The following PSMD9 variants were observed in gnomAD, a reference collection of about 807,000 sequenced individuals.
The protein encoded by PSMD9 is proteasome 26S subunit, non-ATPase 9.
PSMD9 carries 26 observed loss-of-function variants against 25.9 expected under a neutral mutation model. The ratio of observed to expected loss-of-function variants is 1.00; its 90% CI spans 0.73 to 1.39. The LOEUF (loss-of-function observed/expected upper bound fraction) is 1.39. Ranked by LOEUF, PSMD9 falls within the 40% of genes most tolerant of loss-of-function variation. The pLI is 0.00. For missense variants in PSMD9, 303 were observed against 299.3 expected, an observed-to-expected ratio of 1.01 and a Z score of -0.09; for synonymous variants, 110 against 114.5, an observed-to-expected ratio of 0.96 and a Z score of 0.25.
chr12:121,909,641 G>A (rs1879659746), intron 4 of PSMD9, among the ~76,000 whole-genome samples: 1 of 152,074 alleles, frequency 6.6e-6, no homozygotes, highest in Admixed American at 6.6e-5. Context: ...TTTTGACAAA[G>A]ATGACACAGA....
At position 121,901,666 on chromosome 12, in the gene PSMD9, C is replaced by CTTTTTTTTTTTTTTTTTTTTT. The variant is rs563939839; in HGVS notation, c.454-1333_454-1313dup. 1.2e-4 allele frequency among the ~76,000 whole-genome samples: 11 copies of CTTTTTTTTTTTTTTTTTTTTT among 93,608 alleles called. 1 individual carries two copies. Among genetic ancestry groups the CTTTTTTTTTTTTTTTTTTTTT allele is most frequent in the African/African-American group, 3.5e-4 (6 of 16,986 alleles). The allele number at this position is 93,608 out of a possible 152,430, so 61.4% of individuals were successfully genotyped here. A position where few individuals can be genotyped will look rare whatever the true frequency, so the allele number is the denominator to read the frequency against. On this transcript the variant is annotated intron_variant, in intron 3 of 5. Transcript: ENST00000541212. ...TGTCATGCCTGGCCCTTCATTCCTT[C>CTTTTTTTTTTTTTTTTTTTTT]TTTTTTTTTTTTTTTTTTTTTTTTT...
At chr12:121,902,840 G>A (rs957541946) in intron 3 of PSMD9, 166 bp from the exon 4 acceptor site, 4 of 584,782 alleles carry the variant, frequency 6.8e-6, no homozygotes, top group African/African-American at 3.7e-5. Flanking sequence ...GTTACCCACT[G>A]CCCCTTCCTG....
chr12:121,915,606 C>G (rs539716776), intron 4 of PSMD9: 1 of 496,594 alleles, frequency 2.0e-6, no homozygotes, highest in South Asian at 3.1e-5. Context: ...TACTATGTAC[C>G]TTGGATGTAC....
intron 4 of PSMD9, among the ~76,000 whole-genome samples, chr12:121,906,237 C>T (rs944642168): frequency 6.6e-6 from 1 of 152,060 alleles, no homozygotes; most frequent in Non-Finnish European, 1.5e-5. Flanking sequence ...AAAGGCTGAG[C>T]TGTCTTGGTG....
rs1284347565 is a variant in PSMD9, at chr12:121,916,220, C to T, written c.645-64C>T. ...CATTGGTGAAAAGGTCAGAAGGGCT[C>T]AGCCTCTGACCTTCCTGAAGGGAGC... On this transcript the variant is annotated intron_variant, in intron 5 of 5. Coordinates refer to ENST00000541212, the MANE Select transcript of PSMD9 (RefSeq NM_002813.7). 16 of 1,580,578 alleles carry T rather than the reference C, an allele frequency of 1.0e-5. 1 individual carries two copies. In the South Asian group the frequency reaches 1.1e-4, roughly 11 times the overall value.
chr12:121,915,831 C>T (rs1394585774), intron 4 of PSMD9, 25 bp from the exon 5 acceptor site: 25 of 1,591,244 alleles, frequency 1.6e-5, no homozygotes, highest in Middle Eastern at 1.7e-4. Flanking sequence ...AGGCTGAACA[C>T]GAAATGAGCT....
rs1879903475 is a variant in PSMD9 at position 121,916,366 on chromosome 12, C to G, written c.*55C>G. On this transcript the variant is annotated 3_prime_UTR_variant, in exon 6 of 6. Coordinates refer to ENST00000541212, the MANE Select transcript of PSMD9 (RefSeq NM_002813.7). ...ATCTTCCCTTGCCCTGGACTTGGGT[C>G]TAGGGATTTCCAACTTGTCTTCTCT... 6.3e-7 allele frequency: 1 copy of G among 1,589,536 alleles called. No individual in the cohort carries two copies. Among genetic ancestry groups the G allele is most frequent in the Non-Finnish European group, 8.6e-7 (1 of 1,157,594 alleles).
chr12:121,890,633 A>G (rs1879043480), intron 1 of PSMD9, among the ~76,000 whole-genome samples: 1 of 151,748 alleles, frequency 6.6e-6, no homozygotes, highest in Admixed American at 6.6e-5. Flanking sequence ...ACGCCCAGCT[A>G]ATTTTTGTAT....
At chr12:121,903,143 G>T (rs1476566275) in intron 4 of PSMD9, 36 bp downstream of exon 4, 1 of 1,557,668 alleles carries the variant, frequency 6.4e-7, no homozygotes, top group Non-Finnish European at 8.9e-7. Flanking sequence ...GTCTGTTTGG[G>T]TTTTTCTAAC....
intron 1 of PSMD9, chr12:121,894,488 C>A: frequency 2.4e-6 from 1 of 422,388 alleles, no homozygotes. Flanking sequence ...GTTTTATCGG[C>A]ACTGTTTTAA....
intron 2 of PSMD9, among the ~76,000 whole-genome samples, chr12:121,896,977 A>C (rs751931628): frequency 7.1e-6 from 1 of 141,320 alleles, no homozygotes; most frequent in Non-Finnish European, 1.6e-5. Flanking sequence ...GTAAATATAT[A>C]CACACATACA....
intron 4 of PSMD9, among the ~76,000 whole-genome samples, chr12:121,904,855 G>A (rs184167336): frequency 2.0e-5 from 3 of 150,816 alleles, no homozygotes; most frequent in African/African-American, 4.9e-5. Context: ...ATGGGGTTTC[G>A]CTATGTTGGC....
At chr12:121,911,122 C>T (rs1879708199) in intron 4 of PSMD9, 2 of 394,532 alleles carry the variant, frequency 5.1e-6, no homozygotes, top group Admixed American at 2.7e-5. Flanking sequence ...TCACTGCACC[C>T]TCCACCTCCC....
At chr12:121,904,128 T>C (rs1465495798) in intron 4 of PSMD9, among the ~76,000 whole-genome samples, 1 of 152,150 alleles carries the variant, frequency 6.6e-6, no homozygotes, top group African/African-American at 2.4e-5. Context: ...CCCCTGCTAG[T>C]GGTCAGGCCA....
At chr12:121,902,871 G>T in intron 3 of PSMD9, 135 bp from the exon 4 acceptor site, 1 of 684,720 alleles carries the variant, frequency 1.5e-6, no homozygotes. Flanking sequence ...CTACATCCCT[G>T]ACCTCTTTGT....
intron 3 of PSMD9, 80 bp from the exon 4 acceptor site, chr12:121,902,926 A>C (rs1173040653): frequency 5.2e-6 from 6 of 1,143,572 alleles, no homozygotes; most frequent in Non-Finnish European, 7.9e-6. Context: ...CTTGGCATTA[A>C]ATTGGGTATT....
In PSMD9 at chr12:121,915,897, C is replaced by T; in HGVS notation, c.597C>T (p.His199=). ...NVTVIRRGEK[H]QLRLVPTRWA... is the part of the protein sequence containing the mutation. Reference sequence around the variant, plus strand: ...CAGTGATCCGCAGGGGGGAAAAACACCAGCTTAGACTTGTTCCAACACGCT... The same window carrying T: ...CAGTGATCCGCAGGGGGGAAAAACATCAGCTTAGACTTGTTCCAACACGCT... Residue 199 remains histidine (H), a synonymous_variant, in exon 5 of 6, where the codon CAC becomes CAT. Transcript: ENST00000541212. The T allele has an allele frequency of 6.2e-7, 1 of 1,613,902 alleles. No homozygotes were observed. The highest frequency in any genetic ancestry group is 1.1e-5 in the South Asian group (1 of 91,018).
In PSMD9 at chr12:121,916,354, C is replaced by G. The variant is rs142086448; in HGVS notation, c.*43C>G. On this transcript the variant is annotated 3_prime_UTR_variant, in exon 6 of 6. Coordinates refer to ENST00000541212, the MANE Select transcript of PSMD9 (RefSeq NM_002813.7). ...TAACAGGAAAGCATCTTCCCTTGCC[C>G]TGGACTTGGGTCTAGGGATTTCCAA... 6.2e-7 allele frequency: 1 copy of G among 1,607,000 alleles called. No individual in the cohort carries two copies. Among genetic ancestry groups the G allele is most frequent in the Non-Finnish European group, 8.5e-7 (1 of 1,173,506 alleles).
intron 4 of PSMD9, among the ~76,000 whole-genome samples, chr12:121,905,205 A>C (rs1879518009): frequency 6.7e-6 from 1 of 148,888 alleles, no homozygotes; most frequent in South Asian, 2.1e-4. Context: ...CAGTCCCATG[A>C]GTTTTCTTCT....
Sources: gnomAD v4.1 joint callset for allele counts (sites outside exome capture counted in the v4.1 genomes callset) on GRCh38, gnomAD v4.1.1 for gene constraint, MANE v1.5 for transcripts, NCBI Gene and HGNC (gene_info 2026-07-23, HGNC 2026-07-21) for gene names.